The following ADGRL3 variants were observed in gnomAD, a reference collection of about 807,000 sequenced individuals.
ADGRL3 encodes the protein calcium-independent alpha-latrotoxin receptor 3.
A neutral mutation model predicts 153.5 loss-of-function variants in ADGRL3; 62 were observed. The observed-to-expected ratio is 0.40, with a 90% CI of 0.33 to 0.50. ADGRL3 has a LOEUF of 0.50. ADGRL3 is among the 20% of genes least tolerant of loss of function. The probability of loss-of-function intolerance (pLI) is 0.47; values close to 1 mark genes in which losing one functional copy is unlikely to be tolerated. For synonymous variants in ADGRL3, 710 were observed against 672.5 expected (o/e 1.06, Z -0.86); for missense variants, 1,641 against 1,859.4 (o/e 0.88, Z 2.16).
In ADGRL3 at chr4:61,476,729, A is replaced by C. The variant is rs1284670037; in HGVS notation, c.-173-20392A>C. On this transcript the variant is annotated intron_variant, in intron 2 of 26. Coordinates refer to ENST00000683033, the MANE Select transcript of ADGRL3 (RefSeq NM_001387552.1). ...TGTCTAAAAAAAAAAAAAAAAAAAA[A>C]AAAAAAAAACAAAAAAACATAGAAG... Among the ~76,000 whole-genome samples the C allele has an allele frequency of 3.3e-3, 486 of 149,158 alleles. 9 individuals carry two copies. Among genetic ancestry groups the C allele is most frequent in the African/African-American group, 0.011 (453 of 40,634 alleles).
chr4:61,608,954 T>C (rs1490910444), intron 5 of ADGRL3, among the ~76,000 whole-genome samples: 1 of 152,184 alleles, frequency 6.6e-6, no homozygotes, highest in Non-Finnish European at 1.5e-5. Context: ...ATTGCTTGCT[T>C]AAGATTAAGG....
intron 2 of ADGRL3, among the ~76,000 whole-genome samples, chr4:61,473,725 T>TA (rs34629206): frequency 1.4e-4 from 21 of 151,348 alleles, no homozygotes; most frequent in Non-Finnish European, 2.8e-4. Flanking sequence ...TTCAGCCTTT[T>TA]AAAAAAAAAT....
intron 8 of ADGRL3, among the ~76,000 whole-genome samples, chr4:61,760,299 G>A (rs931971942): frequency 6.6e-6 from 1 of 152,146 alleles, no homozygotes; most frequent in African/African-American, 2.4e-5. Context: ...GCTGCAGTGG[G>A]CTCCACCAAG....
intron 7 of ADGRL3, 130 bp downstream of exon 7, chr4:61,730,766 G>T: frequency 3.7e-6 from 1 of 269,432 alleles, no homozygotes; most frequent in South Asian, 1.6e-4. Context: ...TACTTCTGCT[G>T]CTCAACTTCA....
At chr4:62,050,530 A>G (rs948796302) in intron 25 of ADGRL3, among the ~76,000 whole-genome samples, 2 of 152,006 alleles carry the variant, frequency 1.3e-5, no homozygotes, top group Non-Finnish European at 2.9e-5. Flanking sequence ...GAAACTTCAA[A>G]ATAAATCACC....
chr4:61,575,255 G>T (rs1477890034), intron 4 of ADGRL3, among the ~76,000 whole-genome samples: 2 of 151,904 alleles, frequency 1.3e-5, no homozygotes, highest in African/African-American at 4.8e-5. Flanking sequence ...CCTCTAATAA[G>T]AGTTTTAGCA....
intron 4 of ADGRL3, among the ~76,000 whole-genome samples, chr4:61,540,535 G>A (rs1032700046): frequency 4.0e-5 from 6 of 150,266 alleles, no homozygotes; most frequent in African/African-American, 9.9e-5. Flanking sequence ...TTGACAGAGC[G>A]AGACTCTGTC....
chr4:61,636,459 T>C (rs1200580462), intron 5 of ADGRL3, among the ~76,000 whole-genome samples: 1 of 152,152 alleles, frequency 6.6e-6, no homozygotes, highest in Non-Finnish European at 1.5e-5. Context: ...ATAACATATT[T>C]GAAGTTCTGA....
chr4:61,607,125 G>A (rs1043253618), intron 5 of ADGRL3, among the ~76,000 whole-genome samples: 15 of 152,078 alleles, frequency 9.9e-5, no homozygotes, highest in Admixed American at 2.6e-4. Context: ...TTGGTGGGTG[G>A]GGGACTAGGG....
chr4:61,411,883 A>T (rs1204989784), intron 2 of ADGRL3, among the ~76,000 whole-genome samples: 1 of 152,216 alleles, frequency 6.6e-6, no homozygotes, highest in Non-Finnish European at 1.5e-5. Flanking sequence ...AAGCTATGAA[A>T]TGATAATTCC....
chr4:61,646,891 C>G (rs1038819241), intron 5 of ADGRL3, among the ~76,000 whole-genome samples: 2 of 152,180 alleles, frequency 1.3e-5, no homozygotes, highest in Non-Finnish European at 2.9e-5. Context: ...TGCCGAATTG[C>G]AGTTTGATCT....
chr4:61,421,283 A>G (rs1472883091), intron 2 of ADGRL3, among the ~76,000 whole-genome samples: 2 of 152,060 alleles, frequency 1.3e-5, no homozygotes, highest in Non-Finnish European at 2.9e-5. Flanking sequence ...GCAGTGAGCC[A>G]AGAGCACGCC....
chr4:61,977,270 G>T (rs1481030383), intron 17 of ADGRL3, among the ~76,000 whole-genome samples: 1 of 147,988 alleles, frequency 6.8e-6, no homozygotes, highest in Admixed American at 6.8e-5. Flanking sequence ...TTGAGATGGT[G>T]TTATACCTGC....
intron 9 of ADGRL3, among the ~76,000 whole-genome samples, chr4:61,834,671 G>A (rs1027498647): frequency 6.6e-6 from 1 of 152,174 alleles, no homozygotes; most frequent in East Asian, 1.9e-4. Flanking sequence ...TTGACCCCAA[G>A]GTGAGAGGAG....
intron 5 of ADGRL3, among the ~76,000 whole-genome samples, chr4:61,591,704 T>C (rs1184639666): frequency 6.6e-6 from 1 of 151,996 alleles, no homozygotes; most frequent in Non-Finnish European, 1.5e-5. Flanking sequence ...TTTTTTCTAT[T>C]TAAAGGAGCG....
At position 61,337,910 on chromosome 4, in the gene ADGRL3, C is replaced by T. The variant is rs2095713781; in HGVS notation, c.-239-45214C>T. On this transcript the variant is annotated intron_variant, in intron 1 of 26. Coordinates refer to ENST00000683033, the MANE Select transcript of ADGRL3 (RefSeq NM_001387552.1). ...TCTCTCTAAATAAAGGAAAAAAGTC[C>T]TTGTTATATCATAATCTCTAACATT... Among the ~76,000 whole-genome samples, 3 of 152,022 alleles carry T rather than the reference C, an allele frequency of 2.0e-5. No homozygotes were observed. The South Asian group carries it at 6.2e-4, about 32-fold the overall frequency.
chr4:61,400,291 C>CT (rs754487936), intron 2 of ADGRL3, among the ~76,000 whole-genome samples: 19 of 151,732 alleles, frequency 1.3e-4, no homozygotes, highest in Non-Finnish European at 1.0e-4. Context: ...GTCACAGTTT[C>CT]ATTTATTACT....
At chr4:61,271,235 T>C (rs2093159859) in intron 1 of ADGRL3, among the ~76,000 whole-genome samples, 1 of 151,886 alleles carries the variant, frequency 6.6e-6, no homozygotes, top group Non-Finnish European at 1.5e-5. Flanking sequence ...TTGTATAGCA[T>C]TGAATGTCTA....
chr4:61,416,907 T>G (rs1578735138), intron 2 of ADGRL3, among the ~76,000 whole-genome samples: 1 of 152,176 alleles, frequency 6.6e-6, no homozygotes, highest in African/African-American at 2.4e-5. Flanking sequence ...CTGGGAACCC[T>G]GAGCTTGTTT....
Sources: allele counts gnomAD v4.1 joint callset (sites outside exome capture counted in the v4.1 genomes callset), GRCh38; gene constraint gnomAD v4.1.1; transcripts MANE v1.5; gene names NCBI Gene and HGNC (gene_info 2026-07-23, HGNC 2026-07-21).